SH2D4B: variants seen among roughly 807,000 people sequenced by gnomAD.
The protein encoded by SH2D4B is SH2 domain containing 4B.
A neutral mutation model predicts 61.5 loss-of-function variants in SH2D4B; 45 were observed. The observed-to-expected ratio is 0.73, with a 90% confidence interval of 0.58 to 0.94. The LOEUF (loss-of-function observed/expected upper bound fraction) is 0.94, where lower values mean the gene tolerates loss of function less well. Among genes scored for constraint, SH2D4B ranks in the 40% least tolerant of loss-of-function variants. The pLI is 0.00. For synonymous variants in SH2D4B, 224 were observed against 220.4 expected, an observed-to-expected ratio of 1.02 and a Z score of -0.14; for missense variants, 572 against 574.2, an observed-to-expected ratio of 1.00 and a Z score of 0.04.
intron 1 of SH2D4B, among the ~76,000 whole-genome samples, chr10:80,569,570 G>T: frequency 6.6e-6 from 1 of 151,850 alleles, no homozygotes; most frequent in Non-Finnish European, 1.5e-5. Context: ...ATCAAAGGGT[G>T]AGCAATGACT....
chr10:80,569,416 C>T (rs1842010678), intron 1 of SH2D4B, among the ~76,000 whole-genome samples: 3 of 151,928 alleles, frequency 2.0e-5, no homozygotes, highest in South Asian at 2.1e-4. Flanking sequence ...AGAGACAAGG[C>T]GTTGGGGCAA....
Position 80,562,908 on chromosome 10 carries a change from T to C in SH2D4B, c.185-7246T>C, listed in dbSNP as rs1053245753. Among the ~76,000 whole-genome samples the C allele has an allele frequency of 2.9e-5, 4 of 139,114 alleles. No homozygotes were observed. The East Asian group carries it at 8.3e-4, about 29-fold the overall frequency. 91.3% of individuals were successfully genotyped at this position (139,114 alleles called of 152,430 possible). A position where few individuals can be genotyped will look rare whatever the true frequency, so the allele number is the denominator to read the frequency against. ...GAACATTTTTTCTTTTTTTTTTTTTTTTTTTTTTTTTGAGACGGAGTCTCG... is the reference window on the plus strand; with the variant it reads ...GAACATTTTTTCTTTTTTTTTTTTTCTTTTTTTTTTTGAGACGGAGTCTCG... On this transcript the variant is annotated intron_variant, in intron 1 of 7. Transcript: ENST00000646907.
chr10:80,569,668 C>T (rs1261102278), intron 1 of SH2D4B, among the ~76,000 whole-genome samples: 1 of 151,678 alleles, frequency 6.6e-6, no homozygotes, highest in Non-Finnish European at 1.5e-5. Context: ...GACATCGTTA[C>T]TTGTGTGTAC....
At position 80,588,510 on chromosome 10, in the gene SH2D4B, C is replaced by T. The variant is rs770804291; in HGVS notation, c.496-120C>T. On this transcript the variant is annotated intron_variant, in intron 3 of 7. Transcript: ENST00000646907. ...AATTTCATACATGTAGGGACTGAGG[C>T]TGGAGAGGCCACTGCTGCACTCTCA... The T allele has an allele frequency of 4.7e-4, 613 of 1,296,264 alleles. 1 individual carries two copies. Among genetic ancestry groups the T allele is most frequent in the Admixed American group, 1.7e-3 (76 of 45,824 alleles). The allele number at this position is 1,296,264 out of a possible 1,614,324, so 80.3% of individuals were successfully genotyped here.
chr10:80,624,382 C>G (rs528511874), intron 6 of SH2D4B, among the ~76,000 whole-genome samples: 1 of 152,340 alleles, frequency 6.6e-6, no homozygotes, highest in East Asian at 1.9e-4. Flanking sequence ...GCCTAGAAAA[C>G]GCTCTTTCCT....
intron 7 of SH2D4B, among the ~76,000 whole-genome samples, chr10:80,638,374 G>A (rs989209467): frequency 2.0e-5 from 3 of 152,082 alleles, no homozygotes; most frequent in South Asian, 2.1e-4. Context: ...CCAGCTCCTC[G>A]TTGTACCTCT....
At position 80,571,507 on chromosome 10, in the gene SH2D4B, A is replaced by G; in HGVS notation, c.424A>G (p.Lys142Glu). 1 of 1,613,998 alleles carries G rather than the reference A, an allele frequency of 6.2e-7. No homozygotes were observed. Among genetic ancestry groups the G allele is most frequent in the Non-Finnish European group, 8.5e-7 (1 of 1,180,000 alleles). ...TGAGAAAGCCCGGATCTTGGCGGAGAAGTGGAAAGTGGAGATGGAAGACCG... is the reference window on the plus strand; with the variant it reads ...TGAGAAAGCCCGGATCTTGGCGGAGGAGTGGAAAGTGGAGATGGAAGACCG... ...ANEKARILAE[K>E]WKVEMEDRKA... The change falls in exon 3 of 8, where the codon AAG becomes GAG. Residue 142 changes from lysine to glutamate, a missense_variant. By Grantham distance (56) the Lys-to-Glu change is moderately conservative. Coordinates refer to ENST00000646907, the MANE Select transcript of SH2D4B (RefSeq NM_001388272.1).
At chr10:80,641,533 T>C (rs1913752) in intron 7 of SH2D4B, among the ~76,000 whole-genome samples, 70,765 of 152,152 alleles carry the variant, frequency 0.47, 19,200 homozygotes, top group African/African-American at 0.76. Context: ...TAACCCCATT[T>C]CACAGATTAG....
intron 1 of SH2D4B, among the ~76,000 whole-genome samples, chr10:80,557,174 T>A (rs180942694): frequency 1.3e-5 from 2 of 152,162 alleles, no homozygotes; most frequent in East Asian, 3.8e-4. Context: ...TTTAGTCTGC[T>A]GATAGGACTA....
chr10:80,612,262 A>G (rs571657606), intron 6 of SH2D4B, among the ~76,000 whole-genome samples: 1 of 142,834 alleles, frequency 7.0e-6, no homozygotes, highest in Non-Finnish European at 1.5e-5. Context: ...CTTCTCTTTC[A>G]ATATAGGAAT....
intron 6 of SH2D4B, among the ~76,000 whole-genome samples, chr10:80,623,158 G>A (rs752369656): frequency 1.3e-5 from 2 of 152,104 alleles, no homozygotes; most frequent in African/African-American, 4.8e-5. Context: ...CCGGCAATCC[G>A]CCTGCCTCGG....
chr10:80,587,366 C>T (rs1392835183), intron 3 of SH2D4B, among the ~76,000 whole-genome samples: 4 of 151,880 alleles, frequency 2.6e-5, no homozygotes, highest in African/African-American at 9.7e-5. Context: ...CTGCAACCTC[C>T]TCCTTCCGGT....
Position 80,645,850 on chromosome 10 carries a change from C to T in SH2D4B, c.*1765C>T, listed in dbSNP as rs1387056587. 13 of 152,196 alleles carry T rather than the reference C, an allele frequency of 8.5e-5. No homozygotes were observed. The highest frequency in any genetic ancestry group is 2.9e-4 in the African/African-American group (12 of 41,444). 9.4% of individuals were successfully genotyped at this position (152,196 alleles called of 1,614,324 possible). A position where few individuals can be genotyped will look rare whatever the true frequency, so the allele number is the denominator to read the frequency against. ...AGCTCCATGGCTTCCCCCGGTCTACCTGTCTCACTACATGCATAAAGTGAA... is the reference window on the plus strand; with the variant it reads ...AGCTCCATGGCTTCCCCCGGTCTACTTGTCTCACTACATGCATAAAGTGAA... On this transcript the variant is annotated 3_prime_UTR_variant, in exon 8 of 8. Transcript: ENST00000646907.
At position 80,566,535 on chromosome 10, in the gene SH2D4B, A is replaced by T. The variant is rs139500279; in HGVS notation, c.185-3619A>T. ...GGTCTGGAACTCCTGACCTCAGGTGATCTGCCCACCTTAGCCTTCCAAAGC... is the reference window on the plus strand; with the variant it reads ...GGTCTGGAACTCCTGACCTCAGGTGTTCTGCCCACCTTAGCCTTCCAAAGC... On this transcript the variant is annotated intron_variant, in intron 1 of 7. Transcript: ENST00000646907. 1.3e-3 allele frequency among the ~76,000 whole-genome samples: 198 copies of T among 152,152 alleles called. 6 individuals are homozygous for T. The East Asian group carries it at 0.031, about 24-fold the overall frequency.
At chr10:80,591,145 T>C (rs879801885) in intron 4 of SH2D4B, among the ~76,000 whole-genome samples, 1 of 152,032 alleles carries the variant, frequency 6.6e-6, no homozygotes, top group Admixed American at 6.5e-5. Context: ...CACTTAACAG[T>C]TGATGAACAT....
chr10:80,587,143 TTTGTTTTG>T (rs1564775902), intron 3 of SH2D4B, among the ~76,000 whole-genome samples: 6 of 65,366 alleles, frequency 9.2e-5, no homozygotes, highest in African/African-American at 3.6e-4. Flanking sequence ...TTTTTTTTTT[TTTGTTTTG>T]TTTTTTTTTT....
At chr10:80,552,069 C>T (rs12412927) in intron 1 of SH2D4B, among the ~76,000 whole-genome samples, 32,959 of 152,090 alleles carry the variant, frequency 0.22, 4,571 homozygotes, top group East Asian at 0.54. Flanking sequence ...TTTTGTTGAC[C>T]TAATTACCTC....
chr10:80,543,619 A>G (rs574730136), intron 1 of SH2D4B, among the ~76,000 whole-genome samples: 1 of 152,200 alleles, frequency 6.6e-6, no homozygotes. Flanking sequence ...CGGGACTGGC[A>G]GGCAGCTCCA....
intron 1 of SH2D4B, among the ~76,000 whole-genome samples, chr10:80,559,920 A>G (rs1350174243): frequency 6.6e-6 from 1 of 151,930 alleles, no homozygotes; most frequent in Non-Finnish European, 1.5e-5. Context: ...CATTTTTAAA[A>G]GAGCTGTAAC....
Sources: gnomAD v4.1 joint callset for allele counts (sites outside exome capture counted in the v4.1 genomes callset) on GRCh38, gnomAD v4.1.1 for gene constraint, MANE v1.5 for transcripts, NCBI Gene and HGNC (gene_info 2026-07-23, HGNC 2026-07-21) for gene names.